WNK4: variants seen among roughly 807,000 people sequenced by gnomAD.
WNK4 encodes the protein serine/threonine-protein kinase WNK4.
Under a neutral mutation model 116.2 loss-of-function variants are expected in WNK4, and 94 were observed. The ratio of observed to expected loss-of-function variants is 0.81; its 90% CI spans 0.68 to 0.96. WNK4 has a LOEUF of 0.96. Ranked by LOEUF, WNK4 falls within the 40% of genes least tolerant of loss-of-function variation. The probability of loss-of-function intolerance (pLI) is 0.00; values close to 1 mark genes in which losing one functional copy is unlikely to be tolerated. For missense variants in WNK4, 1,542 were observed against 1,650.6 expected, an observed-to-expected ratio of 0.93 and a Z score of 1.14; for synonymous variants, 655 against 672.7, an observed-to-expected ratio of 0.97 and a Z score of 0.41.
rs2054495274 is a variant in WNK4 at position 42,782,484 on chromosome 17, A to G, written c.619-274A>G. ...CAGCCACAAAGGCACTATTGAGCTC[A>G]GGGCTCTGGGACCGGGCTGCATAAA... is the stretch of plus-strand genomic sequence containing the variant. On this transcript the variant is annotated intron_variant, in intron 1 of 18. Coordinates refer to ENST00000246914, the MANE Select transcript of WNK4 (RefSeq NM_032387.5). This position sits in a 1 kb window ranked among gnomAD's most constrained non-coding sequence, Gnocchi z 4.2. Among the ~76,000 whole-genome samples the G allele has an allele frequency of 6.6e-6, 1 of 152,222 alleles. No homozygotes were observed. The highest frequency in any genetic ancestry group is 2.1e-4 in the South Asian group (1 of 4,834).
chr17:42,781,345 C>T (rs779192637), intron 1 of WNK4, 29 bp downstream of exon 1: 2 of 1,613,732 alleles, frequency 1.2e-6, no homozygotes, highest in East Asian at 2.2e-5. Context: ...TCGGTGGCAC[C>T]TTGGGATGGG....
chr17:42,785,006 T>A, intron 4 of WNK4, 91 bp from the exon 5 acceptor site: 1 of 1,323,666 alleles, frequency 7.6e-7, no homozygotes, highest in Non-Finnish European at 1.0e-6. Context: ...CGCAGCTGCC[T>A]AAGGAGGGAG....
At chr17:42,791,508 G>A (rs1227174720) in intron 11 of WNK4, among the ~76,000 whole-genome samples, 2 of 151,848 alleles carry the variant, frequency 1.3e-5, no homozygotes, top group South Asian at 2.1e-4. Flanking sequence ...GCGTGGTGGC[G>A]CATGCCTGTA....
intron 11 of WNK4, 107 bp from the exon 12 acceptor site, chr17:42,793,485 C>T (rs1395971517): frequency 5.4e-6 from 8 of 1,492,566 alleles, no homozygotes; most frequent in Middle Eastern, 2.3e-4. Context: ...GCTAGGATTA[C>T]AGGCGTGAGC....
At position 42,796,465 on chromosome 17, in the gene WNK4, C is replaced by G; in HGVS notation, c.3632-16C>G. On this transcript the variant is annotated splice_polypyrimidine_tract_variant and intron_variant, in intron 17 of 18. Coordinates refer to ENST00000246914, the MANE Select transcript of WNK4 (RefSeq NM_032387.5). ...TTTCCTCACTTAGTGCTCTCCTTCC[C>G]CCATCCTGCTCCCAGGCATCATGCG... The G allele has an allele frequency of 6.2e-7, 1 of 1,614,046 alleles. No homozygotes were observed. The highest frequency in any genetic ancestry group is 8.5e-7 in the Non-Finnish European group (1 of 1,179,904).
chr17:42,794,842 T>C lies in WNK4; in HGVS notation c.2421T>C (p.Pro807=). The change falls in exon 14 of 19, where the codon CCT becomes CCC. Residue 807 remains proline (P), a synonymous_variant. Transcript: ENST00000246914. ...CCTTCTCCACCTCCTCATCTTCTCCTGGAACTCCTTTGTCTCCTGGAAACC... is the reference window on the plus strand; with the variant it reads ...CCTTCTCCACCTCCTCATCTTCTCCCGGAACTCCTTTGTCTCCTGGAAACC... ...WTAFSTSSSS[P]GTPLSPGNPF... is the part of the protein sequence containing the mutation. 2 of 1,613,918 alleles carry C rather than the reference T, an allele frequency of 1.2e-6. No homozygotes were observed. The highest frequency in any genetic ancestry group is 1.7e-6 in the Non-Finnish European group (2 of 1,179,950).
Position 42,781,237 on chromosome 17 carries a change from T to C in WNK4, c.539T>C (p.Ile180Thr). The C allele has an allele frequency of 1.2e-6, 2 of 1,614,116 alleles. No homozygotes were observed. Among genetic ancestry groups the C allele is most frequent in the Non-Finnish European group, 1.7e-6 (2 of 1,180,010 alleles). ...DGRYLKFDIE[I>T]GRGSFKTVYR... ...CGATACCTCAAGTTTGACATCGAGATTGGACGTGGCTCCTTCAAGACGGTG... is the reference window on the plus strand; with the variant it reads ...CGATACCTCAAGTTTGACATCGAGACTGGACGTGGCTCCTTCAAGACGGTG... Residue 180 changes from isoleucine to threonine, a missense_variant, in exon 1 of 19, where the codon ATT becomes ACT. Coordinates refer to ENST00000246914, the MANE Select transcript of WNK4 (RefSeq NM_032387.5).
Position 42,784,183 on chromosome 17 carries a change from C to T in WNK4, c.1012+26C>T. 6.2e-7 allele frequency: 1 copy of T among 1,602,734 alleles called. No homozygotes were observed. The highest frequency in any genetic ancestry group is 1.1e-5 in the South Asian group (1 of 91,070). ...GTGCGTCTCTCCAGGAGGGTCCATG[C>T]CATTCCTTCCTCCCCCACCTCAGAA... On this transcript the variant is annotated intron_variant, in intron 3 of 18. Coordinates refer to ENST00000246914, the MANE Select transcript of WNK4 (RefSeq NM_032387.5). This position sits in a 1 kb window ranked among gnomAD's most constrained non-coding sequence, Gnocchi z 4.4.
In WNK4 at chr17:42,784,641, G is replaced by T. The variant is rs1173355945; in HGVS notation, c.1170+62G>T. Reference sequence around the variant, plus strand: ...GGGCCACTTCCCCTTTTCCTGCGCCGGCCAGCCCGCAGTCAATGCCCTTTG... The same window carrying T: ...GGGCCACTTCCCCTTTTCCTGCGCCTGCCAGCCCGCAGTCAATGCCCTTTG... On this transcript the variant is annotated intron_variant, in intron 4 of 18. Coordinates refer to ENST00000246914, the MANE Select transcript of WNK4 (RefSeq NM_032387.5). This position sits in a 1 kb window ranked among gnomAD's most constrained non-coding sequence, Gnocchi z 4.4. 2.5e-6 allele frequency: 4 copies of T among 1,600,916 alleles called. No individual in the cohort carries two copies. The African/African-American group carries it at 4.0e-5, about 16-fold the overall frequency.
intron 1 of WNK4, 101 bp downstream of exon 1, chr17:42,781,417 A>AT: frequency 6.6e-7 from 1 of 1,509,928 alleles, no homozygotes; most frequent in Non-Finnish European, 9.1e-7. Flanking sequence ...GGAAGCATGT[A>AT]TTTTTCCAGT....
chr17:42,785,496 A>G lies in WNK4; in HGVS notation c.1476+14A>G. On this transcript the variant is annotated intron_variant, in intron 6 of 18. Transcript: ENST00000246914. ...GCACAGGAGATGGTGAGCGGAGGACAGACTGTGCTGCCACTGGACGTGTAA... is the reference window on the plus strand; with the variant it reads ...GCACAGGAGATGGTGAGCGGAGGACGGACTGTGCTGCCACTGGACGTGTAA... The G allele has an allele frequency of 6.4e-7, 1 of 1,551,516 alleles. No individual in the cohort carries two copies. The highest frequency in any genetic ancestry group is 8.7e-7 in the Non-Finnish European group (1 of 1,146,898).
chr17:42,791,995 AGCT>A (rs896143630), intron 11 of WNK4, among the ~76,000 whole-genome samples: 2 of 152,094 alleles, frequency 1.3e-5, no homozygotes, highest in African/African-American at 4.8e-5. Context: ...CATGCTTCAA[AGCT>A]ACTACACTGT....
At chr17:42,786,449 G>C (rs1308518084) in intron 6 of WNK4, among the ~76,000 whole-genome samples, 1 of 152,170 alleles carries the variant, frequency 6.6e-6, no homozygotes, top group Non-Finnish European at 1.5e-5. Context: ...CTGGAGTGCA[G>C]TGGCGCTATC....
Position 42,795,369 on chromosome 17 carries a change from A to T in WNK4, c.2948A>T (p.Glu983Val), listed in dbSNP as rs753796170. Reference protein sequence around the residue: ...GQESPSPHTAEVESEASPPPA... With the variant: ...GQESPSPHTAVVESEASPPPA... ...GAAAGCCCTTCACCCCACACAGCTG[A>T]GGTGGAGAGTGAGGTGAGTAGAAAA... is the stretch of plus-strand genomic sequence containing the variant. Residue 983 changes from glutamate to valine, a missense_variant, in exon 14 of 19, where the codon GAG becomes GTG. Physicochemically the swap from Glu to Val is moderately radical, Grantham distance 121 (BLOSUM62 -2). This residue lies in a region of WNK4 where 292 missense variants were observed against 290.1 expected (regional missense o/e 1.01). Coordinates refer to ENST00000246914, the MANE Select transcript of WNK4 (RefSeq NM_032387.5). The T allele has an allele frequency of 4.3e-6, 7 of 1,613,830 alleles. No homozygotes were observed. In the South Asian group the frequency reaches 7.7e-5, roughly 18 times the overall value.
At position 42,796,339 on chromosome 17, in the gene WNK4, C is replaced by A; in HGVS notation, c.3631+17C>A. 6.2e-7 allele frequency: 1 copy of A among 1,610,248 alleles called. No homozygotes were observed. The highest frequency in any genetic ancestry group is 8.5e-7 in the Non-Finnish European group (1 of 1,178,330). On this transcript the variant is annotated intron_variant, in intron 17 of 18. Coordinates refer to ENST00000246914, the MANE Select transcript of WNK4 (RefSeq NM_032387.5). ...CAGGCCCTGGTGAGACTGCAGTCAC[C>A]CAGCTTCCATCTTTTCCCTGAGACC...
chr17:42,784,104 G>A lies in WNK4; in HGVS notation c.959G>A (p.Gly320Glu). The A allele has an allele frequency of 1.2e-6, 2 of 1,611,384 alleles. No individual in the cohort carries two copies. Among genetic ancestry groups the A allele is most frequent in the Non-Finnish European group, 1.7e-6 (2 of 1,180,014 alleles). Residue 320 changes from glycine (G) to glutamate (E), a missense_variant, in exon 3 of 19, where the codon GGG becomes GAG. Physicochemically the swap from Gly to Glu is moderately conservative, Grantham distance 98. This residue lies in a region of WNK4 where 808 missense variants were observed against 873.6 expected (regional missense o/e 0.92). Transcript: ENST00000246914. The surrounding 1 kb of genome is among the most constrained non-coding windows in gnomAD (Gnocchi z 4.4). ...GGACCTACTGGCTCTGTCAAAATCGGGGACCTGGGCCTGGCCACGCTCAAG... is the reference window on the plus strand; with the variant it reads ...GGACCTACTGGCTCTGTCAAAATCGAGGACCTGGGCCTGGCCACGCTCAAG... ...ITGPTGSVKIGDLGLATLKRA... is the reference protein window; with the variant it reads ...ITGPTGSVKIEDLGLATLKRA...
chr17:42,792,617 G>A (rs1028816915), intron 11 of WNK4, among the ~76,000 whole-genome samples: 6 of 152,164 alleles, frequency 3.9e-5, no homozygotes, highest in Admixed American at 3.9e-4. Context: ...ATTACGGGCT[G>A]CCTTGCAGTA....
At chr17:42,794,124 G>A (rs561620494) in intron 12 of WNK4, 43 of 332,326 alleles carry the variant, frequency 1.3e-4, no homozygotes, top group Non-Finnish European at 2.2e-4. Flanking sequence ...AAAGTGCTGG[G>A]ATTACAGGTG....
At chr17:42,787,971 A>G (rs1313759605) in intron 8 of WNK4, 72 bp downstream of exon 8, 1 of 1,604,020 alleles carries the variant, frequency 6.2e-7, no homozygotes, top group East Asian at 2.2e-5. Flanking sequence ...TGTGAAACCC[A>G]ATCTCATGAT....
Sources: allele counts gnomAD v4.1 joint callset (sites outside exome capture counted in the v4.1 genomes callset), GRCh38; gene constraint gnomAD v4.1.1; regional missense constraint gnomAD v4.1.1; non-coding constraint Gnocchi (gnomAD v3.1); transcripts MANE v1.5; gene names NCBI Gene and HGNC (gene_info 2026-07-23, HGNC 2026-07-21).